The following RSU1 variants were observed in gnomAD, a reference collection of about 807,000 sequenced individuals.
The protein encoded by RSU1 is Ras suppressor protein 1.
In RSU1, 26 loss-of-function variants were observed where a neutral mutation model predicts 31.1. The observed-to-expected ratio is 0.84, with a 90% CI of 0.61 to 1.16. RSU1 has a LOEUF of 1.16. Ranked by LOEUF, RSU1 falls within the 50% of genes most tolerant of loss-of-function variation. The pLI is 0.00. For synonymous variants in RSU1, 164 were observed against 136.3 expected (o/e 1.20, Z -1.41); for missense variants, 320 against 339.1 (o/e 0.94, Z 0.44).
chr10:16,811,469 G>A (rs1422080205), intron 2 of RSU1, among the ~76,000 whole-genome samples: 2 of 152,072 alleles, frequency 1.3e-5, no homozygotes, highest in East Asian at 3.9e-4. Flanking sequence ...TTATAGATGA[G>A]GCACCTGAGG....
intron 7 of RSU1, among the ~76,000 whole-genome samples, chr10:16,739,090 T>A (rs1187864685): frequency 6.6e-6 from 1 of 152,192 alleles, no homozygotes; most frequent in East Asian, 1.9e-4. Flanking sequence ...ATGGACCACA[T>A]TTTCTTTATC....
intron 8 of RSU1, among the ~76,000 whole-genome samples, chr10:16,691,795 C>T (rs1306426286): frequency 2.1e-5 from 3 of 141,414 alleles, no homozygotes; most frequent in South Asian, 2.2e-4. Context: ...AGTGCAGTGG[C>T]GCCATCTATC....
intron 7 of RSU1, among the ~76,000 whole-genome samples, chr10:16,735,988 GA>G (rs1457921362): frequency 6.6e-6 from 1 of 152,142 alleles, no homozygotes; most frequent in Non-Finnish European, 1.5e-5. Flanking sequence ...GGTTTTCTCT[GA>G]GAAGCATTTC....
intron 2 of RSU1, among the ~76,000 whole-genome samples, chr10:16,798,845 A>G (rs1025535094): frequency 6.9e-6 from 1 of 144,236 alleles, no homozygotes; most frequent in African/African-American, 2.7e-5. Context: ...GCCAGAAGAA[A>G]TAGAGTAACA....
chr10:16,814,395 C>G (rs1838478683), intron 2 of RSU1, among the ~76,000 whole-genome samples: 1 of 143,304 alleles, frequency 7.0e-6, no homozygotes, highest in African/African-American at 2.6e-5. Context: ...CCCCAGGGAG[C>G]TGTGACTGCA....
chr10:16,786,914 G>C (rs1327846519), intron 2 of RSU1, among the ~76,000 whole-genome samples: 1 of 152,170 alleles, frequency 6.6e-6, no homozygotes, highest in Non-Finnish European at 1.5e-5. Flanking sequence ...ATAAGGAGGA[G>C]TGGGCCAGCT....
intron 3 of RSU1, among the ~76,000 whole-genome samples, chr10:16,776,822 A>C (rs867568147): frequency 1.3e-5 from 2 of 152,006 alleles, no homozygotes; most frequent in Admixed American, 6.5e-5. Context: ...AAAAAAAAAA[A>C]AAACTACTGC....
chr10:16,669,249 G>A (rs749956179), intron 8 of RSU1, among the ~76,000 whole-genome samples: 2 of 151,700 alleles, frequency 1.3e-5, no homozygotes, highest in Non-Finnish European at 2.9e-5. Flanking sequence ...AAAATAATGC[G>A]CTCACGATCA....
chr10:16,672,155 A>ACC (rs202188327), intron 8 of RSU1, among the ~76,000 whole-genome samples: 1 of 148,216 alleles, frequency 6.7e-6, no homozygotes, highest in African/African-American at 2.5e-5. Flanking sequence ...AAAAAAAAAA[A>ACC]AAAAATTAGC....
chr10:16,602,776 G>A (rs1448694591), intron 8 of RSU1, among the ~76,000 whole-genome samples: 2 of 152,282 alleles, frequency 1.3e-5, no homozygotes, highest in East Asian at 3.9e-4. Context: ...TATGGCCAGT[G>A]AAAATAATGG....
intron 7 of RSU1, among the ~76,000 whole-genome samples, chr10:16,722,500 G>A (rs1354167321): frequency 1.3e-5 from 2 of 152,232 alleles, no homozygotes; most frequent in East Asian, 1.9e-4. Context: ...ACAATGTGAG[G>A]TGCCTCTGGA....
intron 2 of RSU1, among the ~76,000 whole-genome samples, chr10:16,795,215 G>C (rs1401293586): frequency 6.6e-6 from 1 of 151,890 alleles, no homozygotes; most frequent in East Asian, 1.9e-4. Context: ...TTAGCCAAGT[G>C]TGATGGTGGG....
chr10:16,627,043 G>A (rs754207287), intron 8 of RSU1, among the ~76,000 whole-genome samples: 1 of 152,226 alleles, frequency 6.6e-6, no homozygotes, highest in African/African-American at 2.4e-5. Context: ...CAAATGAGGT[G>A]AGACTGAATT....
At chr10:16,705,536 C>T (rs1229255172) in intron 7 of RSU1, among the ~76,000 whole-genome samples, 1 of 152,054 alleles carries the variant, frequency 6.6e-6, no homozygotes, top group Non-Finnish European at 1.5e-5. Context: ...GTCACACAGG[C>T]TGGAGTGCAG....
chr10:16,629,275 T>C (rs1030801364), intron 8 of RSU1, among the ~76,000 whole-genome samples: 10 of 152,068 alleles, frequency 6.6e-5, no homozygotes, highest in East Asian at 1.9e-4. Flanking sequence ...GAGACCCTAC[T>C]TGAGTATCAG....
rs1446776686 is a variant in RSU1 at position 16,590,861 on chromosome 10, T to G, written c.*2533A>C. The G allele has an allele frequency of 6.6e-6, 1 of 152,234 alleles. No individual in the cohort carries two copies. The highest frequency in any genetic ancestry group is 1.5e-5 in the Non-Finnish European group (1 of 68,042). 9.4% of individuals were successfully genotyped at this position (152,234 alleles called of 1,614,324 possible). A position where few individuals can be genotyped will look rare whatever the true frequency, so the allele number is the denominator to read the frequency against. ...ATATAGTTAGTTTTAAAAATCTTGC[T>G]TTTTCTGTTTAATCAGATGTTATGA... On this transcript the variant is annotated 3_prime_UTR_variant, in exon 9 of 9. Transcript: ENST00000345264.
At chr10:16,750,913 A>G (rs1227163738) in intron 7 of RSU1, among the ~76,000 whole-genome samples, 2 of 148,692 alleles carry the variant, frequency 1.3e-5, no homozygotes, top group Non-Finnish European at 3.0e-5. Context: ...TCACCCAGCC[A>G]GGAGTGCAGT....
intron 8 of RSU1, among the ~76,000 whole-genome samples, chr10:16,612,643 C>CA (rs1833912143): frequency 1.3e-5 from 2 of 152,272 alleles, no homozygotes; most frequent in South Asian, 4.1e-4. Flanking sequence ...TTGTAATGAA[C>CA]ACTGATCATA....
intron 7 of RSU1, among the ~76,000 whole-genome samples, chr10:16,742,200 G>A (rs1189392930): frequency 6.6e-6 from 1 of 152,186 alleles, no homozygotes; most frequent in African/African-American, 2.4e-5. Flanking sequence ...AACTTCACAG[G>A]AGTATAAATG....
Sources: gnomAD v4.1 joint callset for allele counts (sites outside exome capture counted in the v4.1 genomes callset) on GRCh38, gnomAD v4.1.1 for gene constraint, MANE v1.5 for transcripts, NCBI Gene and HGNC (gene_info 2026-07-23, HGNC 2026-07-21) for gene names.